The following THBS2 variants were observed in gnomAD, a reference collection of about 807,000 sequenced individuals.
The protein encoded by THBS2 is thrombospondin-2.
A neutral mutation model predicts 135.2 loss-of-function variants in THBS2; 47 were observed. That is an observed-to-expected ratio of 0.35 (90% CI 0.28 to 0.44). The LOEUF (loss-of-function observed/expected upper bound fraction) is 0.44. Among genes scored for constraint, THBS2 ranks in the 20% least tolerant of loss-of-function variants. The pLI is 1.00. For synonymous variants in THBS2, 639 were observed against 633.8 expected (o/e 1.01, Z -0.12); for missense variants, 1,288 against 1,603.1 (o/e 0.80, Z 3.36).
chr6:169,222,281 C>A lies in THBS2; in HGVS notation c.3189G>T (p.Val1063=). 1 of 1,613,318 alleles carries A rather than the reference C, an allele frequency of 6.2e-7. No homozygotes were observed. Among genetic ancestry groups the A allele is most frequent in the South Asian group, 1.1e-5 (1 of 91,088 alleles). The change falls in exon 19 of 22, where the codon GTG becomes GTT. Residue 1063 remains valine, a synonymous_variant. Coordinates refer to ENST00000617924, the MANE Select transcript of THBS2 (RefSeq NM_003247.5). ...QPTRAYGYSG[V]SLKVVNSTTG... is the part of the protein sequence containing the mutation. The stretch of plus-strand genomic sequence containing the variant: ...TGGTGGAGTTCACCACCTTGAGGGA[C>A]ACGCCGGAGTAGCCATAGGCCCGCG...
Position 169,229,669 on chromosome 6 carries a change from G to C in THBS2, c.2162C>G (p.Pro721Arg). 1 of 1,613,666 alleles carries C rather than the reference G, an allele frequency of 6.2e-7. No individual in the cohort carries two copies. The highest frequency in any genetic ancestry group is 1.3e-5 in the African/African-American group (1 of 75,020). ...TTCCTGCCCAGAATTTGGCAGATGG[G>C]GGCAGTTATCCTGCAATTGGAGAAG... Reference protein sequence around the residue: ...ATYHCIKDNCPHLPNSGQEDF... With the variant: ...ATYHCIKDNCRHLPNSGQEDF... Residue 721 changes from proline (P) to arginine (R), a missense_variant, in exon 14 of 22, where the codon CCC (proline) becomes CGC (arginine). Transcript: ENST00000617924.
chr6:169,246,800 T>C (rs554482474), intron 3 of THBS2, among the ~76,000 whole-genome samples: 1 of 152,176 alleles, frequency 6.6e-6, no homozygotes, highest in Non-Finnish European at 1.5e-5. Context: ...AGAAATTGAC[T>C]CAACAACAAG....
chr6:169,222,726 A>T (rs1779473041), intron 18 of THBS2, among the ~76,000 whole-genome samples: 1 of 151,980 alleles, frequency 6.6e-6, no homozygotes, highest in Admixed American at 6.5e-5. Context: ...ACCGGGGAAA[A>T]AAGGTTGCAG....
At position 169,252,210 on chromosome 6, in the gene THBS2, G is replaced by A. The variant is rs1780779789; in HGVS notation, c.-22-1404C>T. 6.6e-6 allele frequency: 1 copy of A among 152,272 alleles called. No homozygotes were observed. The highest frequency in any genetic ancestry group is 1.5e-5 in the Non-Finnish European group (1 of 68,104). The allele number at this position is 152,272 out of a possible 1,614,324, so 9.4% of individuals were successfully genotyped here. ...GCCCGAGGCAGCTGCAGTAATAATG[G>A]TGGTGCTGATAGGGCCTTTCTATGG... On this transcript the variant is annotated intron_variant, in intron 1 of 21. Coordinates refer to ENST00000617924, the MANE Select transcript of THBS2 (RefSeq NM_003247.5). The surrounding 1 kb of genome is among the most constrained non-coding windows in gnomAD (Gnocchi z 4.3).
At chr6:169,217,947 C>G (rs1474248683) in intron 21 of THBS2, 118 bp from the exon 22 acceptor site, 85 of 977,262 alleles carry the variant, frequency 8.7e-5, no homozygotes, top group Non-Finnish European at 1.2e-4. Flanking sequence ...TGAGATCTAT[C>G]ATATGGATGG....
intron 1 of THBS2, among the ~76,000 whole-genome samples, chr6:169,251,033 A>G (rs1334048128): frequency 1.3e-5 from 2 of 152,244 alleles, no homozygotes; most frequent in Non-Finnish European, 2.9e-5. Context: ...CAAGCACTGC[A>G]CATCACGTTC....
intron 18 of THBS2, 136 bp from the exon 19 acceptor site, chr6:169,222,604 G>C: frequency 3.2e-6 from 3 of 939,594 alleles, no homozygotes; most frequent in Non-Finnish European, 4.8e-6. Context: ...AGACTGGTCT[G>C]ACCAATATGG....
At chr6:169,235,173 C>G (rs977770225) in intron 9 of THBS2, among the ~76,000 whole-genome samples, 5 of 152,094 alleles carry the variant, frequency 3.3e-5, no homozygotes, top group African/African-American at 1.2e-4. Context: ...CAAATCATAC[C>G]ACCTCTTCTT....
rs1172487228 is a variant in THBS2, at chr6:169,232,802, G to A, written c.1794C>T (p.Pro598=). Residue 598 remains proline, a synonymous_variant, in exon 12 of 22, where the codon CCC becomes CCT. Coordinates refer to ENST00000617924, the MANE Select transcript of THBS2 (RefSeq NM_003247.5). ...CCTTGCTGGTGGAGAAGCAGATGTC[G>A]GGGACCAGGGCACACTGCGGGGACA... The part of the protein sequence containing the change: ...CEDLDECALV[P]DICFSTSKVP... The A allele has an allele frequency of 3.7e-6, 6 of 1,613,394 alleles. No homozygotes were observed. Among genetic ancestry groups the A allele is most frequent in the East Asian group, 2.2e-5 (1 of 44,888 alleles).
chr6:169,224,361 G>A (rs999498980), intron 17 of THBS2, among the ~76,000 whole-genome samples: 1 of 152,232 alleles, frequency 6.6e-6, no homozygotes, highest in African/African-American at 2.4e-5. Flanking sequence ...CGAACACGGA[G>A]TCCAGATGAG....
chr6:169,229,862 C>G (rs1361342045), intron 13 of THBS2, among the ~76,000 whole-genome samples, 183 bp from the exon 14 acceptor site: 8 of 152,178 alleles, frequency 5.3e-5, no homozygotes, highest in Admixed American at 5.2e-4. Flanking sequence ...TTCTCAACTC[C>G]TGCCCTGGAA....
rs552090788 is a variant in THBS2 at position 169,246,879 on chromosome 6, C to T, written c.610-598G>A. On this transcript the variant is annotated intron_variant, in intron 3 of 21. Coordinates refer to ENST00000617924, the MANE Select transcript of THBS2 (RefSeq NM_003247.5). ...ATGTACTTATTTCCAAGGCCCTACA[C>T]GTCCGGGAGGGAGCAATGTACCATA... 3.5e-4 allele frequency among the ~76,000 whole-genome samples: 53 copies of T among 152,190 alleles called. 1 individual carries two copies. The highest frequency in any genetic ancestry group is 7.5e-4 in the Non-Finnish European group (51 of 68,026).
intron 10 of THBS2, among the ~76,000 whole-genome samples, chr6:169,233,598 A>T (rs1348952696): frequency 7.3e-6 from 1 of 136,900 alleles, no homozygotes; most frequent in Non-Finnish European, 1.6e-5. Context: ...TCCACACCAC[A>T]CAAATACCTA....
At position 169,248,986 on chromosome 6, in the gene THBS2, C is replaced by A. The variant is rs374758909; in HGVS notation, c.53-13G>T. On this transcript the variant is annotated splice_polypyrimidine_tract_variant and intron_variant, in intron 2 of 21. Coordinates refer to ENST00000617924, the MANE Select transcript of THBS2 (RefSeq NM_003247.5). ...TCCTGGTGACCAGCTGCAAAGGGAA[C>A]CGCAGTGGAGAAGGGTGACGTAGGG... The A allele has an allele frequency of 1.5e-4, 235 of 1,586,810 alleles. No homozygotes were observed. In the African/African-American group the frequency reaches 2.6e-3, roughly 18 times the overall value.
intron 1 of THBS2, 119 bp from the exon 2 acceptor site, chr6:169,250,925 A>G (rs758373407): frequency 2.3e-5 from 13 of 555,876 alleles, no homozygotes; most frequent in Non-Finnish European, 3.3e-5. Flanking sequence ...AAAACTCAGC[A>G]CCAACTGGAT....
At position 169,246,223 on chromosome 6, in the gene THBS2, T is replaced by G. The variant is rs375610605; in HGVS notation, c.668A>C (p.Lys223Thr). Residue 223 changes from lysine (K) to threonine (T), a missense_variant, in exon 4 of 22, where the codon AAG becomes ACG. This residue lies in a region of THBS2 where 414 missense variants were observed against 447.0 expected (regional missense o/e 0.93). Coordinates refer to ENST00000617924, the MANE Select transcript of THBS2 (RefSeq NM_003247.5). The part of the protein sequence containing the change: ...FENSVEDILS[K>T]KGCQQGQGAE... ...TCCCTGGCCTTGCTGGCAACCCTTC[T>G]TGCTTAGAATATCTTCCACAGAGTT... 101 of 1,613,876 alleles carry G rather than the reference T, an allele frequency of 6.3e-5. No homozygotes were observed. Among genetic ancestry groups the G allele is most frequent in the Non-Finnish European group, 7.4e-5 (87 of 1,180,012 alleles).
rs569394864 is a variant in THBS2 at position 169,242,522 on chromosome 6, G to A, written c.695-564C>T. ...TCAAACAGCCAGTCCCCTTGAGACT[G>A]TGCCTTGCTCCTCCTGGCCTTCCCA... On this transcript the variant is annotated intron_variant, in intron 4 of 21. Transcript: ENST00000617924. Among the ~76,000 whole-genome samples, 26 of 151,484 alleles carry A rather than the reference G, an allele frequency of 1.7e-4. 2 individuals carry two copies. The South Asian group carries it at 5.2e-3, about 30-fold the overall frequency.
At chr6:169,250,338 G>C (rs1780710569) in intron 2 of THBS2, among the ~76,000 whole-genome samples, 1 of 152,154 alleles carries the variant, frequency 6.6e-6, no homozygotes, top group Non-Finnish European at 1.5e-5. Flanking sequence ...AAAAGATCAG[G>C]CTTTATCTGT....
intron 3 of THBS2, among the ~76,000 whole-genome samples, chr6:169,246,766 G>A (rs184660343): frequency 1.3e-4 from 20 of 152,284 alleles, no homozygotes; most frequent in African/African-American, 1.9e-4. Context: ...GTCCTATATG[G>A]TATGGAACTC....
Sources: gnomAD v4.1 joint callset for allele counts (sites outside exome capture counted in the v4.1 genomes callset) on GRCh38, gnomAD v4.1.1 for gene constraint, gnomAD v4.1.1 regional missense constraint, Gnocchi (gnomAD v3.1) non-coding constraint, MANE v1.5 for transcripts, NCBI Gene and HGNC (gene_info 2026-07-23, HGNC 2026-07-21) for gene names.